The following THSD7B variants were observed in gnomAD, a reference collection of about 807,000 sequenced individuals.
The protein encoded by THSD7B is thrombospondin type-1 domain-containing protein 7B.
A neutral mutation model predicts 213.6 loss-of-function variants in THSD7B; 138 were observed. That is an observed-to-expected ratio of 0.65 (90% CI 0.56 to 0.74). THSD7B has a LOEUF of 0.74. Among genes scored for constraint, THSD7B ranks in the 30% least tolerant of loss-of-function variants. The probability of loss-of-function intolerance (pLI) is 0.00; values close to 1 mark genes in which losing one functional copy is unlikely to be tolerated. For synonymous variants in THSD7B, 742 were observed against 687.0 expected (o/e 1.08, Z -1.25); for missense variants, 1,931 against 1,991.5 (o/e 0.97, Z 0.58).
intron 12 of THSD7B, among the ~76,000 whole-genome samples, chr2:137,285,336 G>A (rs1315476364): frequency 2.6e-5 from 4 of 152,026 alleles, no homozygotes; most frequent in South Asian, 2.1e-4. Context: ...CACACGGATG[G>A]GTCTTGACTC....
chr2:137,426,281 C>A (rs1297644835), intron 14 of THSD7B, among the ~76,000 whole-genome samples: 1 of 151,788 alleles, frequency 6.6e-6, no homozygotes, highest in Non-Finnish European at 1.5e-5. Context: ...TCAATGCAAC[C>A]CTTATCAAAA....
chr2:137,443,059 G>A (rs541242759), intron 14 of THSD7B, among the ~76,000 whole-genome samples: 12 of 152,234 alleles, frequency 7.9e-5, no homozygotes, highest in Non-Finnish European at 1.5e-4. Flanking sequence ...GCTAGTGTAC[G>A]TACAGTCCTA....
intron 6 of THSD7B, 92 bp downstream of exon 6, chr2:137,160,460 A>T: frequency 6.8e-7 from 1 of 1,473,052 alleles, no homozygotes; most frequent in East Asian, 2.3e-5. Context: ...GCTTAAGACA[A>T]TATTTGTTTG....
rs569626358 is a variant in THSD7B, at chr2:136,856,074, A to G, written c.-35-26070A>G. On this transcript the variant is annotated intron_variant, in intron 1 of 27. Coordinates refer to ENST00000409968, the MANE Select transcript of THSD7B (RefSeq NM_001316349.2). ...CTTTTTCATTTCCTTAGTGGCATTT[A>G]TCACTTTCAGGAATAATTTTGTGTA... Among the ~76,000 whole-genome samples, 5 of 152,282 alleles carry G rather than the reference A, an allele frequency of 3.3e-5. No homozygotes were observed. In the South Asian group the frequency reaches 1.0e-3, roughly 32 times the overall value.
At chr2:137,342,256 G>A (rs1471040611) in intron 12 of THSD7B, among the ~76,000 whole-genome samples, 2 of 151,060 alleles carry the variant, frequency 1.3e-5, no homozygotes, top group Non-Finnish European at 3.0e-5. Flanking sequence ...TTTATTTTTT[G>A]TAGCTATTGC....
At chr2:137,311,274 A>G (rs1683899468) in intron 12 of THSD7B, among the ~76,000 whole-genome samples, 1 of 151,318 alleles carries the variant, frequency 6.6e-6, no homozygotes, top group African/African-American at 2.4e-5. Flanking sequence ...GCAATTGTGA[A>G]TGGGACTTCA....
intron 12 of THSD7B, among the ~76,000 whole-genome samples, chr2:137,323,506 ATG>A (rs1684307058): frequency 6.6e-6 from 1 of 152,224 alleles, no homozygotes; most frequent in African/African-American, 2.4e-5. Context: ...AGAATAAATT[ATG>A]TGTCTACTCT....
chr2:137,212,279 T>C (rs1471723866), intron 7 of THSD7B, among the ~76,000 whole-genome samples: 1 of 152,080 alleles, frequency 6.6e-6, no homozygotes, highest in Non-Finnish European at 1.5e-5. Context: ...ATTCATTTTG[T>C]AATGAGTGAG....
At chr2:137,044,903 G>A (rs1475596557) in intron 2 of THSD7B, among the ~76,000 whole-genome samples, 1 of 152,164 alleles carries the variant, frequency 6.6e-6, no homozygotes, top group East Asian at 1.9e-4. Context: ...AAGTGGCTTG[G>A]TGTCACTTGT....
chr2:137,150,448 T>C (rs899716776), intron 5 of THSD7B, among the ~76,000 whole-genome samples: 4 of 152,226 alleles, frequency 2.6e-5, no homozygotes, highest in African/African-American at 9.6e-5. Flanking sequence ...GCTGTTCTCA[T>C]GACAGTGAGT....
intron 14 of THSD7B, among the ~76,000 whole-genome samples, chr2:137,442,928 A>G (rs1405954274): frequency 6.6e-6 from 1 of 152,162 alleles, no homozygotes; most frequent in Non-Finnish European, 1.5e-5. Flanking sequence ...ATTACTCGGT[A>G]ATATTGGGTT....
At chr2:137,663,236 A>C in intron 25 of THSD7B, 147 bp from the exon 26 acceptor site, 1 of 542,018 alleles carries the variant, frequency 1.8e-6, no homozygotes, top group Non-Finnish European at 2.9e-6. Context: ...TATGTATTTG[A>C]TTTTCATGTC....
At chr2:137,621,205 G>A (rs1169926919) in intron 20 of THSD7B, among the ~76,000 whole-genome samples, 1 of 152,200 alleles carries the variant, frequency 6.6e-6, no homozygotes, top group Non-Finnish European at 1.5e-5. Context: ...ACAGGACCAA[G>A]TTACTCTGGA....
chr2:137,457,538 G>A (rs2105074924), intron 15 of THSD7B, among the ~76,000 whole-genome samples: 2 of 152,176 alleles, frequency 1.3e-5, no homozygotes, highest in Middle Eastern at 6.8e-3. Context: ...AACTCCTAAA[G>A]CCCTGAAATA....
intron 14 of THSD7B, among the ~76,000 whole-genome samples, chr2:137,416,452 T>C (rs1035399820): frequency 2.0e-5 from 3 of 152,246 alleles, no homozygotes; most frequent in Non-Finnish European, 4.4e-5. Context: ...TTGTGTTTTT[T>C]TGTAACACTA....
intron 13 of THSD7B, among the ~76,000 whole-genome samples, chr2:137,409,813 G>A (rs10186840): frequency 0.99 from 150,123 of 152,340 alleles, 73,996 homozygotes; most frequent in Non-Finnish European, 1. Flanking sequence ...AGAATATTTC[G>A]AGAATGAAAG....
intron 14 of THSD7B, among the ~76,000 whole-genome samples, chr2:137,447,113 GT>G (rs1347978684): frequency 6.6e-6 from 1 of 151,978 alleles, no homozygotes; most frequent in Non-Finnish European, 1.5e-5. Context: ...CTGTTGCTTA[GT>G]CCTGTTGAAT....
intron 12 of THSD7B, among the ~76,000 whole-genome samples, chr2:137,353,147 A>G (rs893767882): frequency 4.9e-4 from 74 of 152,248 alleles, no homozygotes; most frequent in African/African-American, 1.7e-3. Context: ...TTCATTTTTC[A>G]AAAGACAGGG....
At chr2:137,519,885 G>T (rs1355102319) in intron 15 of THSD7B, among the ~76,000 whole-genome samples, 3 of 152,132 alleles carry the variant, frequency 2.0e-5, no homozygotes, top group African/African-American at 7.2e-5. Context: ...GGCTTTAAAA[G>T]GAAACATATC....
Sources: allele counts gnomAD v4.1 joint callset (sites outside exome capture counted in the v4.1 genomes callset), GRCh38; gene constraint gnomAD v4.1.1; transcripts MANE v1.5; gene names NCBI Gene and HGNC (gene_info 2026-07-23, HGNC 2026-07-21).